CIITA: variants seen among roughly 807,000 people sequenced by gnomAD.
CIITA encodes the protein MHC class II transactivator.
In CIITA, 72 loss-of-function variants were observed where a neutral mutation model predicts 115.1. That is an observed-to-expected ratio of 0.63 (90% CI 0.52 to 0.76). The LOEUF (loss-of-function observed/expected upper bound fraction) is 0.76. Among genes scored for constraint, CIITA ranks in the 30% least tolerant of loss-of-function variants. The pLI, the probability that CIITA is intolerant of heterozygous loss-of-function variation, is 0.00. For missense variants in CIITA, 1,617 were observed against 1,463.8 expected (o/e 1.10, Z -1.71); for synonymous variants, 763 against 635.6 (o/e 1.20, Z -3.02).
chr16:10,936,723 C>A (rs1330992099), downstream of CIITA: 1 of 152,214 alleles, frequency 6.6e-6, no homozygotes, highest in East Asian at 1.9e-4. Context: ...TCACTGGAGG[C>A]ACCCCTCAAA....
At position 10,868,740 on chromosome 16, in the gene CIITA, C is replaced by T. The variant is rs542794483; in HGVS notation, c.-21+2421C>T. 2.6e-5 allele frequency among the ~76,000 whole-genome samples: 4 copies of T among 152,294 alleles called. No individual in the cohort carries two copies. The South Asian group carries it at 6.2e-4, about 24-fold the overall frequency. ...TTCAGCCCCTCCCACCCCCTCTTTC[C>T]GAGAGTGCTGGTTCCTGTTATTTAA... is the stretch of plus-strand genomic sequence containing the variant. On this transcript the variant is annotated intron_variant, in intron 1 of 5. Coordinates refer to the CIITA transcript ENST00000636238.
chr16:10,917,239 A>G (rs976689346), intron 15 of CIITA, among the ~76,000 whole-genome samples: 1 of 150,896 alleles, frequency 6.6e-6, no homozygotes, highest in African/African-American at 2.4e-5. Context: ...GCAGTGGTGT[A>G]ATCATGGCTC....
At chr16:10,921,598 C>T (rs2040275043) in intron 16 of CIITA, among the ~76,000 whole-genome samples, 1 of 152,208 alleles carries the variant, frequency 6.6e-6, no homozygotes, top group Non-Finnish European at 1.5e-5. Flanking sequence ...AACTGAGTCT[C>T]AGAAGAGTTG....
intron 8 of CIITA, among the ~76,000 whole-genome samples, chr16:10,903,511 G>A (rs1215166960): frequency 6.6e-6 from 1 of 152,168 alleles, no homozygotes. Context: ...TGAGCTAATT[G>A]CACCCATTTC....
chr16:10,929,807 T>G lies in CIITA; in HGVS notation c.*5952T>G, dbSNP rs2040699955. ...CAGAGACCCTGGGCTGGAGAACCAGTGCAATGTCACACGGGAGAGGAAGGA... is the reference window on the plus strand; with the variant it reads ...CAGAGACCCTGGGCTGGAGAACCAGGGCAATGTCACACGGGAGAGGAAGGA... On this transcript the variant is annotated 3_prime_UTR_variant, in exon 20 of 20. Coordinates refer to ENST00000324288, the MANE Select transcript of CIITA (RefSeq NM_000246.4). This position sits in a 1 kb window ranked among gnomAD's most constrained non-coding sequence, Gnocchi z 4.3. 1 of 153,470 alleles carries G rather than the reference T, an allele frequency of 6.5e-6. No individual in the cohort carries two copies. Among genetic ancestry groups the G allele is most frequent in the Non-Finnish European group, 1.4e-5 (1 of 69,206 alleles). 9.5% of individuals were successfully genotyped at this position (153,470 alleles called of 1,614,324 possible).
rs6498130 is a variant in CIITA at position 10,916,293 on chromosome 16, G to T, written c.2970-74G>T. ...AAGGGCAGGTGCCAGGGCTGAGGAG[G>T]CCCTCACTGGGATGGGAAGGGTCAG... On this transcript the variant is annotated intron_variant, in intron 14 of 19. Coordinates refer to ENST00000324288, the MANE Select transcript of CIITA (RefSeq NM_000246.4). 0.41 allele frequency: 563,053 copies of T among 1,389,940 alleles called. 117,264 individuals are homozygous for T. The highest frequency in any genetic ancestry group is 0.47 in the African/African-American group (33,001 of 70,302). 86.1% of individuals were successfully genotyped at this position (1,389,940 alleles called of 1,614,324 possible). A position where few individuals can be genotyped will look rare whatever the true frequency, so the allele number is the denominator to read the frequency against.
rs1375814290 is a variant in CIITA, at chr16:10,920,421, GT to G, written c.3150-1742del. Reference sequence around the variant, plus strand: ...CGCCACCACACCAGGCTATTTTTGTGTTTTCAGTAGAGACAGGGCTTCGCCA... The same window carrying G: ...CGCCACCACACCAGGCTATTTTTGTGTTTCAGTAGAGACAGGGCTTCGCCA... On this transcript the variant is annotated intron_variant, in intron 16 of 19. Coordinates refer to ENST00000324288, the MANE Select transcript of CIITA (RefSeq NM_000246.4). This position sits in a 1 kb window ranked among gnomAD's most constrained non-coding sequence, Gnocchi z 4.5. Among the ~76,000 whole-genome samples the G allele has an allele frequency of 6.6e-6, 1 of 152,056 alleles. No individual in the cohort carries two copies. The highest frequency in any genetic ancestry group is 2.4e-5 in the African/African-American group (1 of 41,402).
In CIITA at chr16:10,936,192, C is replaced by T. The variant is rs1319644260; in HGVS notation, c.*12337C>T. 4 of 151,980 alleles carry T rather than the reference C, an allele frequency of 2.6e-5. No homozygotes were observed. Among genetic ancestry groups the T allele is most frequent in the African/African-American group, 7.3e-5 (3 of 41,376 alleles). 9.4% of individuals were successfully genotyped at this position (151,980 alleles called of 1,614,324 possible). Reference sequence around the variant, plus strand: ...CCTACTTTTTGTAGAGACGGGGTCTCACTATGTTGCCCAGGCTGGTTTCAA... The same window carrying T: ...CCTACTTTTTGTAGAGACGGGGTCTTACTATGTTGCCCAGGCTGGTTTCAA... On this transcript the variant is annotated 3_prime_UTR_variant, in exon 20 of 20. Transcript: ENST00000324288.
At chr16:10,867,818 T>C (rs2035195648) in intron 1 of CIITA, among the ~76,000 whole-genome samples, 1 of 152,186 alleles carries the variant, frequency 6.6e-6, no homozygotes, top group African/African-American at 2.4e-5. Context: ...TGTAGTCGCA[T>C]GATCACAGCT....
intron 14 of CIITA, 45 bp downstream of exon 14, chr16:10,915,695 A>C (rs774334860): frequency 7.8e-6 from 12 of 1,529,614 alleles, no homozygotes; most frequent in Non-Finnish European, 1.0e-5. Context: ...ATCTGGGTGC[A>C]GTGCTGTGAT....
At chr16:10,881,503 G>A (rs1324079363) in intron 1 of CIITA, among the ~76,000 whole-genome samples, 1 of 152,188 alleles carries the variant, frequency 6.6e-6, no homozygotes, top group Non-Finnish European at 1.5e-5. Flanking sequence ...CCTGATGTTT[G>A]ACAGTGCCCT....
chr16:10,927,526 T>G lies in CIITA; in HGVS notation c.*3671T>G, dbSNP rs1282397502. The G allele has an allele frequency of 6.6e-6, 1 of 152,250 alleles. No homozygotes were observed. Among genetic ancestry groups the G allele is most frequent in the Non-Finnish European group, 1.5e-5 (1 of 68,058 alleles). 9.4% of individuals were successfully genotyped at this position (152,250 alleles called of 1,614,324 possible). A position where few individuals can be genotyped will look rare whatever the true frequency, so the allele number is the denominator to read the frequency against. ...AAGATGTTCCTGCCCTGGTGAGTCTTATATTTTAGCAAATTAAAAAAACTC... is the reference window on the plus strand; with the variant it reads ...AAGATGTTCCTGCCCTGGTGAGTCTGATATTTTAGCAAATTAAAAAAACTC... On this transcript the variant is annotated 3_prime_UTR_variant, in exon 20 of 20. Coordinates refer to ENST00000324288, the MANE Select transcript of CIITA (RefSeq NM_000246.4).
chr16:10,893,966 T>C (rs2040409918), intron 1 of CIITA, among the ~76,000 whole-genome samples: 1 of 152,056 alleles, frequency 6.6e-6, no homozygotes, highest in East Asian at 1.9e-4. Flanking sequence ...CCCCATTTCC[T>C]TCCAAAATCC....
At chr16:10,883,430 C>A (rs978984045) in intron 1 of CIITA, among the ~76,000 whole-genome samples, 2 of 152,236 alleles carry the variant, frequency 1.3e-5, no homozygotes, top group Admixed American at 6.5e-5. Context: ...TCTTCATTCT[C>A]ATCCTGGGAC....
Position 10,877,311 on chromosome 16 carries a change from C to CT in CIITA, c.-19dup, listed in dbSNP as rs2035916463. 1.9e-6 allele frequency: 3 copies of CT among 1,611,388 alleles called. No homozygotes were observed. In the African/African-American group the frequency reaches 4.0e-5, roughly 21 times the overall value. On this transcript the variant is annotated 5_prime_UTR_variant, in exon 1 of 20. Coordinates refer to ENST00000324288, the MANE Select transcript of CIITA (RefSeq NM_000246.4). ...GCTGCCAGACTCCGGGAGCTGCTGCCTGGCTGGGATTCCTACACAATGCGT... is the reference window on the plus strand; with the variant it reads ...GCTGCCAGACTCCGGGAGCTGCTGCCTTGGCTGGGATTCCTACACAATGCGT...
intron 15 of CIITA, among the ~76,000 whole-genome samples, chr16:10,917,569 T>C (rs2040025516): frequency 6.6e-6 from 1 of 150,414 alleles, no homozygotes; most frequent in Non-Finnish European, 1.5e-5. Context: ...AAACTTCACC[T>C]CCTGGGTTCA....
chr16:10,873,125 A>G (rs921486589), upstream of CIITA, among the ~76,000 whole-genome samples: 1 of 152,142 alleles, frequency 6.6e-6, no homozygotes, highest in Non-Finnish European at 1.5e-5. Context: ...GGCATGCACC[A>G]CTATGCCCGG....
Position 10,907,761 on chromosome 16 carries a change from T to C in CIITA, c.2269T>C (p.Phe757Leu). Residue 757 changes from phenylalanine (F) to leucine (L), a missense_variant, in exon 11 of 20, where the codon TTT (phenylalanine) becomes CTT (leucine). Transcript: ENST00000324288. The surrounding 1 kb of genome is among the most constrained non-coding windows in gnomAD (Gnocchi z 5.0). ...YDNWLEGVPR[F>L]LAGLIFQPPA... Reference sequence around the variant, plus strand: ...CAACTGGCTGGAGGGCGTGCCACGCTTTCTGGCTGGGCTGATCTTCCAGCC... The same window carrying C: ...CAACTGGCTGGAGGGCGTGCCACGCCTTCTGGCTGGGCTGATCTTCCAGCC... 1 of 1,614,216 alleles carries C rather than the reference T, an allele frequency of 6.2e-7. No homozygotes were observed. The highest frequency in any genetic ancestry group is 8.5e-7 in the Non-Finnish European group (1 of 1,180,030).
chr16:10,901,723 G>C lies in CIITA; in HGVS notation c.481+165G>C. On this transcript the variant is annotated intron_variant, in intron 6 of 19. Transcript: ENST00000324288. The surrounding 1 kb of genome is among the most constrained non-coding windows in gnomAD (Gnocchi z 6.8). ...TTGGGGTCCCTTAGAGTCCTCTAAGGGGCTCACGACTGTTTGTGGAAGGTG... is the reference window on the plus strand; with the variant it reads ...TTGGGGTCCCTTAGAGTCCTCTAAGCGGCTCACGACTGTTTGTGGAAGGTG... 1.3e-6 allele frequency: 1 copy of C among 754,928 alleles called. No homozygotes were observed. The highest frequency in any genetic ancestry group is 2.2e-6 in the Non-Finnish European group (1 of 449,672). The allele number at this position is 754,928 out of a possible 1,614,324, so 46.8% of individuals were successfully genotyped here.
Sources: gnomAD v4.1 joint callset for allele counts (sites outside exome capture counted in the v4.1 genomes callset) on GRCh38, gnomAD v4.1.1 for gene constraint, Gnocchi (gnomAD v3.1) non-coding constraint, MANE v1.5 for transcripts, NCBI Gene and HGNC (gene_info 2026-07-23, HGNC 2026-07-21) for gene names.